Variants in LMNTD1 observed in about 807,000 individuals in gnomAD.
LMNTD1 encodes the protein lamin tail domain-containing protein 1.
LMNTD1 carries 35 observed loss-of-function variants against 50.9 expected under a neutral mutation model. The observed-to-expected ratio is 0.69, with a 90% CI of 0.53 to 0.91. The LOEUF (loss-of-function observed/expected upper bound fraction) is 0.91, where lower values mean the gene tolerates loss of function less well. Ranked by LOEUF, LMNTD1 falls within the 40% of genes least tolerant of loss-of-function variation. The pLI, the probability that LMNTD1 is intolerant of heterozygous loss-of-function variation, is 0.00. For missense variants in LMNTD1, 470 were observed against 475.5 expected, an observed-to-expected ratio of 0.99 and a Z score of 0.11; for synonymous variants, 153 against 161.9, an observed-to-expected ratio of 0.94 and a Z score of 0.42.
chr12:25,507,115 A>G (rs546261772), intron 8 of LMNTD1, among the ~76,000 whole-genome samples: 1 of 152,260 alleles, frequency 6.6e-6, no homozygotes, highest in Admixed American at 6.5e-5. Flanking sequence ...ACCTTAAGTG[A>G]TGCACCCACC....
At chr12:25,528,199 A>C (rs990995457) in intron 4 of LMNTD1, among the ~76,000 whole-genome samples, 3 of 152,296 alleles carry the variant, frequency 2.0e-5, no homozygotes, top group Middle Eastern at 3.4e-3. Context: ...GTCACACTAA[A>C]AAAATGTGAG....
chr12:25,499,030 A>T (rs1939233000), intron 9 of LMNTD1, among the ~76,000 whole-genome samples: 1 of 152,202 alleles, frequency 6.6e-6, no homozygotes, highest in African/African-American at 2.4e-5. Context: ...TCAGGTCTTG[A>T]TCATACTCAC....
At chr12:25,610,000 C>T (rs929107494) in intron 1 of LMNTD1, among the ~76,000 whole-genome samples, 2 of 152,164 alleles carry the variant, frequency 1.3e-5, no homozygotes, top group East Asian at 1.9e-4. Flanking sequence ...TGGGCCCCAC[C>T]GAGTTCAAGC....
chr12:25,604,953 C>T (rs1946062249), intron 1 of LMNTD1, among the ~76,000 whole-genome samples: 1 of 152,192 alleles, frequency 6.6e-6, no homozygotes, highest in Non-Finnish European at 1.5e-5. Context: ...AACTAGTTTA[C>T]AGTCCCACCA....
chr12:25,547,641 A>T (rs1041338862), intron 3 of LMNTD1, among the ~76,000 whole-genome samples: 4 of 151,796 alleles, frequency 2.6e-5, no homozygotes, highest in African/African-American at 7.2e-5. Flanking sequence ...GCTGAGAAAA[A>T]AAAAGCATTT....
At chr12:25,591,811 C>CAGAG (rs58392351) in intron 1 of LMNTD1, among the ~76,000 whole-genome samples, 18,447 of 89,666 alleles carry the variant, frequency 0.21, 2,551 homozygotes, top group Middle Eastern at 0.24. Context: ...TAGCTCAGAA[C>CAGAG]AGAGAGAGAG....
In LMNTD1 at chr12:25,612,546, G is replaced by A. The variant is rs191567311; in HGVS notation, c.58+35948C>T. On this transcript the variant is annotated intron_variant, in intron 1 of 7. Coordinates refer to the LMNTD1 transcript ENST00000445693. ...TGAGTCACTCAGGTAATGTAAACTC[G>A]CATCAGATCTTATTTTTATCTTCAC... Among the ~76,000 whole-genome samples the A allele has an allele frequency of 5.4e-3, 824 of 152,090 alleles. 11 individuals carry two copies. The highest frequency in any genetic ancestry group is 0.018 in the African/African-American group (758 of 41,490).
At chr12:25,554,893 G>T (rs898013619), upstream of LMNTD1, among the ~76,000 whole-genome samples, 1 of 151,798 alleles carries the variant, frequency 6.6e-6, no homozygotes, top group Non-Finnish European at 1.5e-5. Flanking sequence ...ATGAAACCCC[G>T]TCTCTACTAA....
intron 1 of LMNTD1, among the ~76,000 whole-genome samples, chr12:25,560,481 C>G (rs1158156098): frequency 1.3e-5 from 2 of 152,150 alleles, no homozygotes; most frequent in Non-Finnish European, 2.9e-5. Flanking sequence ...TAGCATGATG[C>G]CTCCAGCTTT....
At chr12:25,532,459 G>T (rs1293823255) in intron 4 of LMNTD1, among the ~76,000 whole-genome samples, 1 of 152,022 alleles carries the variant, frequency 6.6e-6, no homozygotes, top group African/African-American at 2.4e-5. Flanking sequence ...TACGAATCTT[G>T]AGAAAAACCT....
At chr12:25,512,304 A>AC (rs1940364105) in intron 8 of LMNTD1, among the ~76,000 whole-genome samples, 1 of 152,248 alleles carries the variant, frequency 6.6e-6, no homozygotes, top group Non-Finnish European at 1.5e-5. Context: ...AAAAAACGAG[A>AC]CAATAGCAAA....
At chr12:25,629,773 A>G (rs189038886) in intron 1 of LMNTD1, among the ~76,000 whole-genome samples, 17 of 152,336 alleles carry the variant, frequency 1.1e-4, no homozygotes, top group African/African-American at 4.1e-4. Flanking sequence ...AGCAGTAAAC[A>G]AAATGGCAGA....
At position 25,638,240 on chromosome 12, in the gene LMNTD1, G is replaced by A. The variant is rs1592128804; in HGVS notation, c.58+10254C>T. On this transcript the variant is annotated intron_variant, in intron 1 of 7. Coordinates refer to the LMNTD1 transcript ENST00000445693. The stretch of plus-strand genomic sequence containing the variant: ...AAAACTCACAGCTAACATACTTAAC[G>A]GTGAAAGACAGAATGTTTTCCCTCT... Among the ~76,000 whole-genome samples the A allele has an allele frequency of 2.0e-5, 3 of 152,106 alleles. No homozygotes were observed. In the South Asian group the frequency reaches 6.2e-4, roughly 32 times the overall value.
At chr12:25,627,718 A>G (rs1046996704) in intron 1 of LMNTD1, among the ~76,000 whole-genome samples, 2 of 152,242 alleles carry the variant, frequency 1.3e-5, no homozygotes, top group African/African-American at 4.8e-5. Context: ...TCCACAACAC[A>G]TGTGGTAATA....
intron 1 of LMNTD1, among the ~76,000 whole-genome samples, chr12:25,626,679 C>G (rs1393836216): frequency 2.6e-5 from 4 of 152,024 alleles, no homozygotes; most frequent in African/African-American, 4.8e-5. Flanking sequence ...GATTGGAAAC[C>G]TTGTTCTATA....
At chr12:25,618,437 G>C (rs956779371) in intron 1 of LMNTD1, among the ~76,000 whole-genome samples, 1 of 152,186 alleles carries the variant, frequency 6.6e-6, no homozygotes, top group Non-Finnish European at 1.5e-5. Flanking sequence ...GATACTTGCA[G>C]TACCTTAGTG....
chr12:25,482,103 C>A (rs372781430), intron 9 of LMNTD1, among the ~76,000 whole-genome samples: 1 of 151,612 alleles, frequency 6.6e-6, no homozygotes, highest in African/African-American at 2.4e-5. Flanking sequence ...AAAATGGATG[C>A]AAAAAATGAA....
At chr12:25,578,150 G>GCA (rs141985869) in intron 1 of LMNTD1, among the ~76,000 whole-genome samples, 96 of 151,668 alleles carry the variant, frequency 6.3e-4, no homozygotes, top group Middle Eastern at 3.4e-3. Flanking sequence ...GTGCACACAT[G>GCA]CACACACACA....
At chr12:25,505,409 TCTGTTA>T (rs911403800) in intron 8 of LMNTD1, among the ~76,000 whole-genome samples, 5 of 152,212 alleles carry the variant, frequency 3.3e-5, no homozygotes, top group Non-Finnish European at 5.9e-5. Context: ...ACCTAATTAT[TCTGTTA>T]CTAAGACTAA....
Sources: gnomAD v4.1 joint callset for allele counts (sites outside exome capture counted in the v4.1 genomes callset) on GRCh38, gnomAD v4.1.1 for gene constraint, MANE v1.5 for transcripts, NCBI Gene and HGNC (gene_info 2026-07-23, HGNC 2026-07-21) for gene names.